The following PEX12 variants were observed in gnomAD, a reference collection of about 807,000 sequenced individuals.
PEX12 encodes peroxisome assembly protein 12.
A neutral mutation model predicts 32.5 loss-of-function variants in PEX12; 31 were observed. The ratio of observed to expected loss-of-function variants is 0.95; its 90% CI spans 0.72 to 1.29. The LOEUF (loss-of-function observed/expected upper bound fraction) is 1.29, where lower values mean the gene tolerates loss of function less well. PEX12 is among the 50% of genes most tolerant of loss of function. The probability of loss-of-function intolerance (pLI) is 0.00; values close to 1 mark genes in which losing one functional copy is unlikely to be tolerated. For missense variants in PEX12, 359 were observed against 419.0 expected (o/e 0.86, Z 1.25); for synonymous variants, 148 against 157.2 (o/e 0.94, Z 0.44).
intron 1 of PEX12, 56 bp from the exon 2 acceptor site, chr17:35,577,647 T>C: frequency 4.0e-6 from 6 of 1,513,448 alleles, no homozygotes; most frequent in Non-Finnish European, 5.5e-6. Flanking sequence ...GTTCTACACC[T>C]ATTTACATTC....
intron 1 of PEX12, 121 bp from the exon 2 acceptor site, chr17:35,577,712 C>CTGAAATGCTGGGTAT: frequency 7.7e-7 from 1 of 1,299,806 alleles, no homozygotes; most frequent in South Asian, 1.2e-5. Flanking sequence ...CTGTTGGACC[C>CTGAAATGCTGGGTAT]TGAAATGCTG....
At chr17:35,576,307 G>A in intron 2 of PEX12, 126 bp from the exon 3 acceptor site, 1 of 825,854 alleles carries the variant, frequency 1.2e-6, no homozygotes, top group South Asian at 1.5e-5. Context: ...ATGGTTGGTA[G>A]ACTGGTACTA....
At position 35,575,985 on chromosome 17, in the gene PEX12, CAG is replaced by C. The variant is rs61752109; in HGVS notation, c.875_876del (p.Ser292Ter). The C allele has an allele frequency of 1.2e-6, 2 of 1,614,106 alleles. No homozygotes were observed. The highest frequency in any genetic ancestry group is 8.5e-7 in the Non-Finnish European group (1 of 1,180,008). Reference sequence around the variant, plus strand: ...TTCATTTTGGGTAAGAGGGGAGAATCAGAGTTATAGTCTAGGTGTACAGGTGG... The same window carrying C: ...TTCATTTTGGGTAAGAGGGGAGAATCAGTTATAGTCTAGGTGTACAGGTGG... ...PPPPVHLDYN[S>X]DSPLLPKMKT... On this transcript the variant is annotated frameshift_variant, in exon 3 of 3. Coordinates refer to ENST00000225873, the MANE Select transcript of PEX12 (RefSeq NM_000286.3). LOFTEE classifies it high-confidence loss of function.
Position 35,576,077 on chromosome 17 carries a change from T to C in PEX12, c.785A>G (p.Asp262Gly). Residue 262 changes from aspartate to glycine, a missense_variant, in exon 3 of 3, where the codon GAC (aspartate) becomes GGC (glycine). Transcript: ENST00000225873. ...SVGVFFLQFL[D>G]WWYSSENQET... ...TTGATTTTCAGATGAGTACCACCAG[T>C]CAAGGAACTGCAAGAAGAATACACC... 1 of 1,613,902 alleles carries C rather than the reference T, an allele frequency of 6.2e-7. No individual in the cohort carries two copies. The highest frequency in any genetic ancestry group is 8.5e-7 in the Non-Finnish European group (1 of 1,179,882).
Position 35,578,184 on chromosome 17 carries a change from A to T in PEX12, c.-163T>A. Reference sequence around the variant, plus strand: ...ATCTTATGGGCAAAAATGAACTGGGAAAAAAAGACCTGGAGGCCGAGGGTA... The same window carrying T: ...ATCTTATGGGCAAAAATGAACTGGGTAAAAAAGACCTGGAGGCCGAGGGTA... On this transcript the variant is annotated 5_prime_UTR_variant, in exon 1 of 3. Transcript: ENST00000225873. The T allele has an allele frequency of 2.3e-6, 2 of 854,520 alleles. No individual in the cohort carries two copies. The allele number at this position is 854,520 out of a possible 1,614,324, so 52.9% of individuals were successfully genotyped here. A position where few individuals can be genotyped will look rare whatever the true frequency, so the allele number is the denominator to read the frequency against.
rs763285439 is a variant in PEX12 at position 35,577,090 on chromosome 17, C to A, written c.628G>T (p.Ala210Ser). ...LGRLTVQDIQ[A>S]LEHKPAKASM... ...GCCTTAGCTGGTTTGTGCTCCAGAG[C>A]TTGTATATCCTGAACTGTCAGTCGA... Residue 210 changes from alanine (A) to serine (S), a missense_variant, in exon 2 of 3, where the codon GCT (alanine) becomes TCT (serine). Transcript: ENST00000225873. 4 of 1,614,050 alleles carry A rather than the reference C, an allele frequency of 2.5e-6. No homozygotes were observed. The highest frequency in any genetic ancestry group is 3.4e-6 in the Non-Finnish European group (4 of 1,180,030).
chr17:35,578,039 G>T lies in PEX12; in HGVS notation c.-18C>A, dbSNP rs1242171076. On this transcript the variant is annotated 5_prime_UTR_variant, in exon 1 of 3. Coordinates refer to ENST00000225873, the MANE Select transcript of PEX12 (RefSeq NM_000286.3). Reference sequence around the variant, plus strand: ...TCAGCCATAGTTTCCTGCGTGTACTGGCTTTCACTTTTCCCACAAACTCTC... The same window carrying T: ...TCAGCCATAGTTTCCTGCGTGTACTTGCTTTCACTTTTCCCACAAACTCTC... The T allele has an allele frequency of 3.7e-6, 6 of 1,613,820 alleles. No individual in the cohort carries two copies. The Admixed American group carries it at 6.7e-5, about 18-fold the overall frequency.
At position 35,578,101 on chromosome 17, in the gene PEX12, G is replaced by T. The variant is rs1041236319; in HGVS notation, c.-80C>A. On this transcript the variant is annotated 5_prime_UTR_variant, in exon 1 of 3. The change creates a new upstream start codon in the 5' untranslated region. Transcript: ENST00000225873. ...AACTTTTTCGGGAGGAAGAGTATCAGATGGGTGCTCAGTCTTAAAGGTAAA... is the reference window on the plus strand; with the variant it reads ...AACTTTTTCGGGAGGAAGAGTATCATATGGGTGCTCAGTCTTAAAGGTAAA... 5 of 1,533,024 alleles carry T rather than the reference G, an allele frequency of 3.3e-6. No individual in the cohort carries two copies. Among genetic ancestry groups the T allele is most frequent in the Non-Finnish European group, 3.6e-6 (4 of 1,108,266 alleles). 95.0% of individuals were successfully genotyped at this position (1,533,024 alleles called of 1,614,324 possible). A position where few individuals can be genotyped will look rare whatever the true frequency, so the allele number is the denominator to read the frequency against.
At position 35,575,484 on chromosome 17, in the gene PEX12, T is replaced by C. The variant is rs905163839; in HGVS notation, c.*298A>G. On this transcript the variant is annotated 3_prime_UTR_variant, in exon 3 of 3. Transcript: ENST00000225873. ...ATTTCTTATATTTTAAGGAAAGGGA[T>C]AGGCAAAAACTTGTGTACTCATTAT... 2 of 345,608 alleles carry C rather than the reference T, an allele frequency of 5.8e-6. No homozygotes were observed. Among genetic ancestry groups the C allele is most frequent in the East Asian group, 5.6e-5 (1 of 17,902 alleles). 21.4% of individuals were successfully genotyped at this position (345,608 alleles called of 1,614,324 possible).
rs1490929791 is a variant in PEX12 at position 35,577,881 on chromosome 17, G to T, written c.126+15C>A. ...CCAGTTGTCCCTAAAACCTTTCCAAGAATTAATACCTTACCTTGACCACAT... is the reference window on the plus strand; with the variant it reads ...CCAGTTGTCCCTAAAACCTTTCCAATAATTAATACCTTACCTTGACCACAT... On this transcript the variant is annotated intron_variant, in intron 1 of 2. Coordinates refer to ENST00000225873, the MANE Select transcript of PEX12 (RefSeq NM_000286.3). 1.9e-6 allele frequency: 3 copies of T among 1,613,982 alleles called. No individual in the cohort carries two copies. The highest frequency in any genetic ancestry group is 4.5e-5 in the East Asian group (2 of 44,892).
chr17:35,575,525 C>T lies in PEX12; in HGVS notation c.*257G>A, dbSNP rs895745225. 2.0e-6 allele frequency: 1 copy of T among 506,678 alleles called. No homozygotes were observed. The highest frequency in any genetic ancestry group is 3.6e-6 in the Non-Finnish European group (1 of 277,458). The allele number at this position is 506,678 out of a possible 1,614,324, so 31.4% of individuals were successfully genotyped here. On this transcript the variant is annotated 3_prime_UTR_variant, in exon 3 of 3. Coordinates refer to ENST00000225873, the MANE Select transcript of PEX12 (RefSeq NM_000286.3). ...TACTCATTATTCTGTTTAATCTCTA[C>T]ACTGGCCCTCATATCCCCTGCCAGT...
chr17:35,576,957 C>G, intron 2 of PEX12, 81 bp downstream of exon 2: 3 of 1,203,960 alleles, frequency 2.5e-6, no homozygotes, highest in Non-Finnish European at 3.7e-6. Context: ...ACAAAGTTAA[C>G]AGGGAGGTGA....
At position 35,577,132 on chromosome 17, in the gene PEX12, C is replaced by G; in HGVS notation, c.586G>C (p.Ala196Pro). ...AQHHSPLLRL[A>P]GVQLGRLTVQ... The stretch of plus-strand genomic sequence containing the variant: ...GTCAGTCGACCTAGCTGAACTCCAG[C>G]CAGCCTCAGCAGTGGTGAGTGATGC... The change falls in exon 2 of 3, where the codon GCT becomes CCT. Residue 196 changes from alanine (A) to proline (P), a missense_variant. Physicochemically the swap from Ala to Pro is conservative, Grantham distance 27. Coordinates refer to ENST00000225873, the MANE Select transcript of PEX12 (RefSeq NM_000286.3). The G allele has an allele frequency of 6.2e-7, 1 of 1,614,142 alleles. No individual in the cohort carries two copies. The highest frequency in any genetic ancestry group is 1.1e-5 in the South Asian group (1 of 91,082).
chr17:35,577,626 C>A, intron 1 of PEX12, 35 bp from the exon 2 acceptor site: 1 of 1,583,264 alleles, frequency 6.3e-7, no homozygotes, highest in Non-Finnish European at 8.6e-7. Flanking sequence ...GAAATTCATT[C>A]CATTACACAA....
rs1431537025 is a variant in PEX12, at chr17:35,578,562, G to C, written c.-541C>G. On this transcript the variant is annotated 5_prime_UTR_variant, in exon 1 of 3. Transcript: ENST00000225873. ...ACGCCACGTTTGAAGGGAGGTCTCC[G>C]CTTTATGACAGAAGCCGCACCCGGA... is the stretch of plus-strand genomic sequence containing the variant. 1 of 201,636 alleles carries C rather than the reference G, an allele frequency of 5.0e-6. No individual in the cohort carries two copies. Among genetic ancestry groups the C allele is most frequent in the Non-Finnish European group, 1.0e-5 (1 of 95,600 alleles). 12.5% of individuals were successfully genotyped at this position (201,636 alleles called of 1,614,324 possible).
rs539591621 is a variant in PEX12, at chr17:35,575,445, G to C, written c.*337C>G. On this transcript the variant is annotated 3_prime_UTR_variant, in exon 3 of 3. Transcript: ENST00000225873. ...TTATGCGGTCTAACCTGGGTTTTTC[G>C]TAAGAGCTCCTTTATTTCTTATATT... The C allele has an allele frequency of 2.8e-5, 7 of 252,472 alleles. No individual in the cohort carries two copies. Among genetic ancestry groups the C allele is most frequent in the Non-Finnish European group, 5.5e-5 (7 of 127,918 alleles). 15.6% of individuals were successfully genotyped at this position (252,472 alleles called of 1,614,324 possible). A position where few individuals can be genotyped will look rare whatever the true frequency, so the allele number is the denominator to read the frequency against.
At chr17:35,577,672 A>T in intron 1 of PEX12, 81 bp from the exon 2 acceptor site, 1 of 1,439,354 alleles carries the variant, frequency 6.9e-7, no homozygotes, top group East Asian at 2.3e-5. Flanking sequence ...TTTTCCTCTA[A>T]AGTCTACACA....
rs561976188 is a variant in PEX12, at chr17:35,577,971, C to T, written c.51G>A (p.Gln17=). The part of the protein sequence containing the change: ...HFTAASVADD[Q]PSIFEVVAQD... The stretch of plus-strand genomic sequence containing the variant: ...GTGCTACCACCTCAAAGATGGATGG[C>T]TGGTCATCGGCCACAGAAGCAGCTG... Residue 17 remains glutamine (Q), a synonymous_variant, in exon 1 of 3, where the codon CAG becomes CAA. Coordinates refer to ENST00000225873, the MANE Select transcript of PEX12 (RefSeq NM_000286.3). The T allele has an allele frequency of 1.9e-6, 3 of 1,614,148 alleles. No individual in the cohort carries two copies. The highest frequency in any genetic ancestry group is 2.5e-6 in the Non-Finnish European group (3 of 1,180,012).
At position 35,578,113 on chromosome 17, in the gene PEX12, G is replaced by A; in HGVS notation, c.-92C>T. 1 of 1,465,110 alleles carries A rather than the reference G, an allele frequency of 6.8e-7. No individual in the cohort carries two copies. The highest frequency in any genetic ancestry group is 9.5e-7 in the Non-Finnish European group (1 of 1,048,656). 90.8% of individuals were successfully genotyped at this position (1,465,110 alleles called of 1,614,324 possible). ...AGGAAGAGTATCAGATGGGTGCTCAGTCTTAAAGGTAAACTTTCTGCATGA... is the reference window on the plus strand; with the variant it reads ...AGGAAGAGTATCAGATGGGTGCTCAATCTTAAAGGTAAACTTTCTGCATGA... On this transcript the variant is annotated 5_prime_UTR_variant, in exon 1 of 3. Transcript: ENST00000225873.
Sources: gnomAD v4.1 joint callset for allele counts on GRCh38, gnomAD v4.1.1 for gene constraint, MANE v1.5 for transcripts, NCBI Gene and HGNC (gene_info 2026-07-23, HGNC 2026-07-21) for gene names.